CACNA1A: variants seen among roughly 807,000 people sequenced by gnomAD.
The protein encoded by CACNA1A is calcium voltage-gated channel subunit alpha1 A.
CACNA1A carries 57 observed loss-of-function variants against 262.4 expected under a neutral mutation model. The ratio of observed to expected loss-of-function variants is 0.22; its 90% CI spans 0.18 to 0.27. CACNA1A has a LOEUF of 0.27. Ranked by LOEUF, CACNA1A falls within the 10% of genes least tolerant of loss-of-function variation. The pLI, the probability that CACNA1A is intolerant of heterozygous loss-of-function variation, is 1.00. For synonymous variants in CACNA1A, 1,431 were observed against 1,419.3 expected, an observed-to-expected ratio of 1.01 and a Z score of -0.18; for missense variants, 2,526 against 3,562.8, an observed-to-expected ratio of 0.71 and a Z score of 7.41.
intron 1 of CACNA1A, among the ~76,000 whole-genome samples, chr19:13,458,314 C>G (rs1199594502): frequency 6.6e-6 from 1 of 151,868 alleles, no homozygotes; most frequent in Non-Finnish European, 1.5e-5. Flanking sequence ...TGCACAACAC[C>G]ATGTGTGCCT....
intron 3 of CACNA1A, among the ~76,000 whole-genome samples, chr19:13,427,493 T>TAAAGAAAG (rs1555785399): frequency 8.8e-5 from 13 of 148,116 alleles, no homozygotes; most frequent in Non-Finnish European, 1.8e-4. Context: ...AATAAATAAA[T>TAAAGAAAG]AAAGAGTTCC....
Position 13,212,022 on chromosome 19 carries a change from C to G in CACNA1A, c.6303+81G>C. 1 of 1,014,074 alleles carries G rather than the reference C, an allele frequency of 9.9e-7. No individual in the cohort carries two copies. The highest frequency in any genetic ancestry group is 1.9e-5 in the Admixed American group (1 of 51,974). The allele number at this position is 1,014,074 out of a possible 1,614,324, so 62.8% of individuals were successfully genotyped here. ...CTGAGTCCGGCAGGGAGGGGATGCA[C>G]TGGGCTGCTTGTGGGGGGGCCTGGC... is the stretch of plus-strand genomic sequence containing the variant. On this transcript the variant is annotated intron_variant, in intron 43 of 46. Coordinates refer to ENST00000360228, the MANE Select transcript of CACNA1A (RefSeq NM_001127222.2). The surrounding 1 kb of genome is among the most constrained non-coding windows in gnomAD (Gnocchi z 5.6).
chr19:13,390,934 T>C (rs980422458), intron 3 of CACNA1A, among the ~76,000 whole-genome samples: 1 of 152,088 alleles, frequency 6.6e-6, no homozygotes, highest in Non-Finnish European at 1.5e-5. Context: ...GTCGCTAGAC[T>C]GGAGTGCAGT....
At chr19:13,444,223 T>C (rs1003985761) in intron 3 of CACNA1A, among the ~76,000 whole-genome samples, 5 of 152,184 alleles carry the variant, frequency 3.3e-5, no homozygotes, top group African/African-American at 1.2e-4. Flanking sequence ...GGAATCCTTT[T>C]GGTACCAAGG....
intron 4 of CACNA1A, among the ~76,000 whole-genome samples, chr19:13,367,294 CA>C (rs71168702): frequency 0.017 from 1,089 of 64,720 alleles, 3 homozygotes; most frequent in African/African-American, 0.044. Flanking sequence ...GACTCTGTCT[CA>C]AAAAAAAAAA....
chr19:13,307,830 A>T lies in CACNA1A; in HGVS notation c.1938T>A (p.Pro646=). 1 of 1,613,986 alleles carries T rather than the reference A, an allele frequency of 6.2e-7. No homozygotes were observed. The highest frequency in any genetic ancestry group is 8.5e-7 in the Non-Finnish European group (1 of 1,179,876). ...GGQFNFDEGT[P]PTNFDTFPAA... ...CTGGAAAAGTATCGAAGTTGGTGGG[A>T]GGAGTCCCTTCATCGAAATTAAACC... The change falls in exon 15 of 47, where the codon CCT becomes CCA. Residue 646 remains proline (P), a synonymous_variant. Coordinates refer to ENST00000360228, the MANE Select transcript of CACNA1A (RefSeq NM_001127222.2).
In CACNA1A at chr19:13,230,189, G is replaced by A. The variant is rs372359926; in HGVS notation, c.5421C>T (p.Ala1807=). Residue 1807 remains alanine, a synonymous_variant, in exon 36 of 47, where the codon GCC becomes GCT. Transcript: ENST00000360228. ...CSFLMLNLFV[A]VIMDNFEYLT... is the part of the protein sequence containing the mutation. ...GGTACTCAAAGTTGTCCATGATGACGGCGACAAAGAGATTCAGCATCTGTG... is the reference window on the plus strand; with the variant it reads ...GGTACTCAAAGTTGTCCATGATGACAGCGACAAAGAGATTCAGCATCTGTG... The A allele has an allele frequency of 2.2e-5, 36 of 1,613,756 alleles. No homozygotes were observed. The highest frequency in any genetic ancestry group is 4.5e-5 in the East Asian group (2 of 44,886).
rs1026521580 is a variant in CACNA1A, at chr19:13,261,374, G to C, written c.4250+76C>G. 3 of 1,296,166 alleles carry C rather than the reference G, an allele frequency of 2.3e-6. No homozygotes were observed. The African/African-American group carries it at 4.4e-5, about 19-fold the overall frequency. 80.3% of individuals were successfully genotyped at this position (1,296,166 alleles called of 1,614,324 possible). On this transcript the variant is annotated intron_variant, in intron 26 of 46. Coordinates refer to ENST00000360228, the MANE Select transcript of CACNA1A (RefSeq NM_001127222.2). ...ACTTCTCCAGTCTCTGAGCCCAAGT[G>C]GCCAATGCCTCTAGCCACTTCCCCC...
At chr19:13,439,564 T>A (rs2060678928) in intron 3 of CACNA1A, among the ~76,000 whole-genome samples, 1 of 149,242 alleles carries the variant, frequency 6.7e-6, no homozygotes, top group African/African-American at 2.5e-5. Context: ...CATGCCTGGC[T>A]AATTTTTTTT....
At chr19:13,311,209 C>T (rs2058027843) in intron 12 of CACNA1A, among the ~76,000 whole-genome samples, 1 of 152,142 alleles carries the variant, frequency 6.6e-6, no homozygotes, top group Non-Finnish European at 1.5e-5. Flanking sequence ...CCCACCTTAG[C>T]CTTCTGAGTA....
At chr19:13,369,025 G>A (rs967724899) in intron 4 of CACNA1A, among the ~76,000 whole-genome samples, 3 of 113,106 alleles carry the variant, frequency 2.7e-5, no homozygotes, top group South Asian at 2.6e-4. Context: ...GCGACAGAGC[G>A]AGACTCCGTC....
chr19:13,336,055 G>A (rs1484082889), intron 6 of CACNA1A, 146 bp from the exon 7 acceptor site: 4 of 571,086 alleles, frequency 7.0e-6, no homozygotes, highest in Non-Finnish European at 1.3e-5. Flanking sequence ...TGGCATCCCA[G>A]AGGGGGAAAT....
intron 3 of CACNA1A, among the ~76,000 whole-genome samples, chr19:13,372,583 G>A (rs1029948117): frequency 6.6e-6 from 1 of 152,172 alleles, no homozygotes; most frequent in Non-Finnish European, 1.5e-5. Context: ...CCTTGGGCAA[G>A]GGACATCCCT....
intron 5 of CACNA1A, 137 bp downstream of exon 5, chr19:13,365,180 G>C: frequency 1.5e-6 from 1 of 660,268 alleles, no homozygotes; most frequent in South Asian, 2.6e-5. Flanking sequence ...TTCACTCACT[G>C]CCTCTCCTGT....
intron 37 of CACNA1A, 34 bp downstream of exon 37, chr19:13,227,397 G>A: frequency 9.0e-7 from 1 of 1,107,454 alleles, no homozygotes; most frequent in South Asian, 1.5e-5. Flanking sequence ...AAAACCCAGT[G>A]CCTGGACGTC....
Position 13,361,699 on chromosome 19 carries a change from C to T in CACNA1A, c.785-1900G>A, listed in dbSNP as rs779899939. Reference sequence around the variant, plus strand: ...TGAATAGAAACTCCAAGTCTAGCCTCGCCATGAACTTAAGTTGTTGGAAAC... The same window carrying T: ...TGAATAGAAACTCCAAGTCTAGCCTTGCCATGAACTTAAGTTGTTGGAAAC... On this transcript the variant is annotated intron_variant, in intron 5 of 46. Transcript: ENST00000360228. Among the ~76,000 whole-genome samples, 7 of 152,192 alleles carry T rather than the reference C, an allele frequency of 4.6e-5. No homozygotes were observed. The South Asian group carries it at 6.2e-4, about 14-fold the overall frequency.
intron 9 of CACNA1A, among the ~76,000 whole-genome samples, chr19:13,332,589 G>A (rs1275450219): frequency 6.6e-6 from 1 of 152,056 alleles, no homozygotes; most frequent in Non-Finnish European, 1.5e-5. Flanking sequence ...ATATCATTCT[G>A]AGAAACAATC....
intron 6 of CACNA1A, among the ~76,000 whole-genome samples, chr19:13,356,581 T>C (rs1310687600): frequency 6.6e-6 from 1 of 152,218 alleles, no homozygotes; most frequent in African/African-American, 2.4e-5. Context: ...GTCCCACCAC[T>C]GGGCACGCCC....
intron 3 of CACNA1A, among the ~76,000 whole-genome samples, chr19:13,379,009 C>G (rs1330680701): frequency 6.8e-6 from 1 of 146,462 alleles, no homozygotes; most frequent in Non-Finnish European, 1.5e-5. Context: ...GAGATACGGT[C>G]TCACTCTGTC....
Sources: gnomAD v4.1 joint callset for allele counts (sites outside exome capture counted in the v4.1 genomes callset) on GRCh38, gnomAD v4.1.1 for gene constraint, Gnocchi (gnomAD v3.1) non-coding constraint, MANE v1.5 for transcripts, NCBI Gene and HGNC (gene_info 2026-07-23, HGNC 2026-07-21) for gene names.